Variants in PAK5 observed in about 807,000 individuals in gnomAD.
PAK5 encodes serine/threonine-protein kinase PAK 5.
Under a neutral mutation model 65.9 loss-of-function variants are expected in PAK5, and 16 were observed. That is an observed-to-expected ratio of 0.24 (90% CI 0.16 to 0.37). PAK5 has a LOEUF of 0.37. PAK5 is among the 10% of genes least tolerant of loss of function. PAK5 has a pLI of 1.00. For missense variants in PAK5, 785 were observed against 903.9 expected (o/e 0.87, Z 1.69); for synonymous variants, 371 against 354.9 (o/e 1.05, Z -0.51).
chr20:9,689,863 C>G (rs2047768446), intron 2 of PAK5, among the ~76,000 whole-genome samples: 1 of 152,108 alleles, frequency 6.6e-6, no homozygotes, highest in Non-Finnish European at 1.5e-5. Context: ...ATAACTGGAA[C>G]ACATCTGGGC....
intron 1 of PAK5, among the ~76,000 whole-genome samples, chr20:9,835,748 T>C (rs1023346431): frequency 3.9e-5 from 6 of 152,140 alleles, no homozygotes; most frequent in Non-Finnish European, 5.9e-5. Flanking sequence ...GACTGCATGA[T>C]GGTTTTAAAT....
chr20:9,832,852 T>C (rs1446509894), intron 1 of PAK5, among the ~76,000 whole-genome samples: 1 of 152,362 alleles, frequency 6.6e-6, no homozygotes, highest in African/African-American at 2.4e-5. Flanking sequence ...ACAATTCTAT[T>C]GGGGTGCTAT....
At chr20:9,773,571 T>C (rs948995069) in intron 1 of PAK5, among the ~76,000 whole-genome samples, 1 of 152,054 alleles carries the variant, frequency 6.6e-6, no homozygotes, top group African/African-American at 2.4e-5. Context: ...AGTTACACAT[T>C]GACTTGATGT....
intron 2 of PAK5, among the ~76,000 whole-genome samples, chr20:9,655,767 T>G (rs984132600): frequency 5.3e-5 from 8 of 152,122 alleles, no homozygotes; most frequent in African/African-American, 1.9e-4. Flanking sequence ...TTGGGTGGCT[T>G]AAGCAAGATA....
intron 1 of PAK5, among the ~76,000 whole-genome samples, chr20:9,729,484 G>T (rs1417363088): frequency 2.0e-5 from 3 of 151,878 alleles, no homozygotes; most frequent in Non-Finnish European, 4.4e-5. Flanking sequence ...TAGGCACGAG[G>T]TATTATATAA....
At chr20:9,831,324 C>T (rs1404378427) in intron 1 of PAK5, among the ~76,000 whole-genome samples, 2 of 152,218 alleles carry the variant, frequency 1.3e-5, no homozygotes, top group Non-Finnish European at 2.9e-5. Flanking sequence ...TGGAGTTAGG[C>T]AGAGTTTCTT....
At chr20:9,712,407 A>G (rs1036240916) in intron 1 of PAK5, among the ~76,000 whole-genome samples, 14 of 152,158 alleles carry the variant, frequency 9.2e-5, no homozygotes, top group African/African-American at 2.9e-4. Context: ...AAGACCCAGG[A>G]AATGAAAGCA....
intron 3 of PAK5, among the ~76,000 whole-genome samples, chr20:9,590,864 C>T (rs1603235385): frequency 6.6e-6 from 1 of 152,164 alleles, no homozygotes; most frequent in Non-Finnish European, 1.5e-5. Context: ...TCTGGAACAG[C>T]AATTCGAGAA....
In PAK5 at chr20:9,557,729, T is replaced by C. The variant is rs1410507450; in HGVS notation, c.1622A>G (p.Asn541Ser). The change falls in exon 7 of 10, where the codon AAT becomes AGT. Residue 541 changes from asparagine (N) to serine (S), a missense_variant. Around this residue, in one of 4 missense-constraint regions of PAK5, gnomAD observed 182 missense variants for 273.0 expected, o/e 0.67. Transcript: ENST00000353224. ...GCAGACAGTAGCTATCTGTTCTTCATTCATTCTGGAAAGGAAATAACATTT... is the reference window on the plus strand; with the variant it reads ...GCAGACAGTAGCTATCTGTTCTTCACTCATTCTGGAAAGGAAATAACATTT... ...LTDIVTHTRM[N>S]EEQIATVCLS... is the part of the protein sequence containing the mutation. 2.5e-6 allele frequency: 4 copies of C among 1,611,604 alleles called. No homozygotes were observed. Among genetic ancestry groups the C allele is most frequent in the Non-Finnish European group, 2.5e-6 (3 of 1,178,148 alleles).
intron 1 of PAK5, among the ~76,000 whole-genome samples, chr20:9,801,521 A>C (rs1020868248): frequency 6.6e-6 from 1 of 150,890 alleles, no homozygotes; most frequent in Non-Finnish European, 1.5e-5. Flanking sequence ...ATATACACAC[A>C]CACATACACT....
rs538522094 is a variant in PAK5 at position 9,621,307 on chromosome 20, C to T, written c.204+22818G>A. On this transcript the variant is annotated intron_variant, in intron 3 of 9. Coordinates refer to ENST00000353224, the MANE Select transcript of PAK5 (RefSeq NM_177990.4). ...CAGAAGAATAAAAAGGAACAGATGG[C>T]GGGCAGAATTTAACAAATAATAGAT... Among the ~76,000 whole-genome samples, 157 of 150,526 alleles carry T rather than the reference C, an allele frequency of 1.0e-3. 1 individual carries two copies. Among genetic ancestry groups the T allele is most frequent in the African/African-American group, 3.7e-3 (150 of 40,956 alleles).
At chr20:9,602,357 T>C (rs908546081) in intron 3 of PAK5, among the ~76,000 whole-genome samples, 2 of 152,044 alleles carry the variant, frequency 1.3e-5, no homozygotes, top group African/African-American at 4.8e-5. Context: ...ACTCCAGTAA[T>C]GTCTGAATGC....
intron 3 of PAK5, among the ~76,000 whole-genome samples, chr20:9,640,585 T>C (rs960221271): frequency 3.9e-5 from 6 of 152,172 alleles, no homozygotes; most frequent in Non-Finnish European, 7.3e-5. Flanking sequence ...ATTGGTGGGT[T>C]CTTGGTCTCA....
chr20:9,800,915 C>T (rs369423665), intron 1 of PAK5, among the ~76,000 whole-genome samples: 2 of 151,816 alleles, frequency 1.3e-5, no homozygotes, highest in African/African-American at 2.4e-5. Context: ...CAGACACCAC[C>T]GAGAGCTAAC....
chr20:9,596,806 T>C (rs1021209433), intron 3 of PAK5, among the ~76,000 whole-genome samples: 1 of 152,102 alleles, frequency 6.6e-6, no homozygotes, highest in African/African-American at 2.4e-5. Flanking sequence ...ATTCCTAGTA[T>C]TTGAGGTTGA....
intron 1 of PAK5, among the ~76,000 whole-genome samples, chr20:9,827,935 G>C (rs758016032): frequency 2.0e-5 from 3 of 152,180 alleles, no homozygotes; most frequent in Non-Finnish European, 4.4e-5. Flanking sequence ...GGGTTCAAGC[G>C]ATTCTCTTGC....
At chr20:9,819,784 T>G (rs968761098) in intron 1 of PAK5, among the ~76,000 whole-genome samples, 5 of 152,186 alleles carry the variant, frequency 3.3e-5, no homozygotes, top group African/African-American at 1.2e-4. Flanking sequence ...GAACCGGTAC[T>G]GGCACATGAC....
chr20:9,556,717 C>T (rs996188274), intron 7 of PAK5, among the ~76,000 whole-genome samples: 2 of 152,130 alleles, frequency 1.3e-5, no homozygotes, highest in African/African-American at 4.8e-5. Context: ...CAGCAGAATC[C>T]CTTGCACAGG....
chr20:9,718,690 T>A (rs1029019759), intron 1 of PAK5, among the ~76,000 whole-genome samples: 9 of 152,120 alleles, frequency 5.9e-5, no homozygotes, highest in African/African-American at 1.9e-4. Context: ...ATACAACATA[T>A]TTTTTAACCT....
Sources: gnomAD v4.1 joint callset for allele counts (sites outside exome capture counted in the v4.1 genomes callset) on GRCh38, gnomAD v4.1.1 for gene constraint, gnomAD v4.1.1 regional missense constraint, MANE v1.5 for transcripts, NCBI Gene and HGNC (gene_info 2026-07-23, HGNC 2026-07-21) for gene names.